NFATC2: variants seen among roughly 807,000 people sequenced by gnomAD.
NFATC2 encodes nuclear factor of activated T cells 2, also known as nuclear factor of activated T-cells, cytoplasmic 2.
In NFATC2, 22 loss-of-function variants were observed where a neutral mutation model predicts 87.3. That is an observed-to-expected ratio of 0.25 (90% confidence interval 0.18 to 0.36). The LOEUF is 0.36. Among genes scored for constraint, NFATC2 ranks in the 10% least tolerant of loss-of-function variants. The probability of loss-of-function intolerance (pLI) is 1.00; values close to 1 mark genes in which losing one functional copy is unlikely to be tolerated. For missense variants in NFATC2, 1,149 were observed against 1,259.1 expected (o/e 0.91, Z 1.32); for synonymous variants, 565 against 542.2 (o/e 1.04, Z -0.58).
chr20:51,498,623 C>A (rs2076029024), intron 3 of NFATC2, among the ~76,000 whole-genome samples: 2 of 151,956 alleles, frequency 1.3e-5, no homozygotes, highest in African/African-American at 2.4e-5. Flanking sequence ...CCCATCCTTA[C>A]TAAAAATACA....
In NFATC2 at chr20:51,562,549, G is replaced by A; in HGVS notation, c.70+11C>T. On this transcript the variant is annotated intron_variant, in intron 1 of 10. Coordinates refer to the NFATC2 transcript ENST00000414705. The surrounding 1 kb of genome is among the most constrained non-coding windows in gnomAD (Gnocchi z 5.8). ...AGCGGAAAAGGCTGGAAGGGATCGA[G>A]AGTCAGTTACCTTGGTCCACAGACC... 1.3e-6 allele frequency: 2 copies of A among 1,549,450 alleles called. No homozygotes were observed. Among genetic ancestry groups the A allele is most frequent in the Non-Finnish European group, 1.7e-6 (2 of 1,145,202 alleles).
intron 3 of NFATC2, among the ~76,000 whole-genome samples, chr20:51,484,238 G>T (rs1248457339): frequency 6.6e-6 from 1 of 151,942 alleles, no homozygotes; most frequent in Non-Finnish European, 1.5e-5. Flanking sequence ...TCCATGACCT[G>T]CAGGGCTCAC....
At chr20:51,443,167 A>ACC (rs11481110) in intron 6 of NFATC2, among the ~76,000 whole-genome samples, 2,143 of 150,960 alleles carry the variant, frequency 0.014, 46 homozygotes, top group African/African-American at 0.048. Flanking sequence ...GCTCAGGGAG[A>ACC]CCCCCCCTTC....
intron 9 of NFATC2, among the ~76,000 whole-genome samples, chr20:51,402,398 T>C (rs2146244723): frequency 6.6e-6 from 1 of 152,070 alleles, no homozygotes; most frequent in South Asian, 2.1e-4. Context: ...TTCAGCCAGT[T>C]CATCACCACC....
At chr20:51,488,492 T>C (rs1431306920) in intron 3 of NFATC2, among the ~76,000 whole-genome samples, 2 of 151,952 alleles carry the variant, frequency 1.3e-5, no homozygotes, top group African/African-American at 4.9e-5. Context: ...TTTTCCCAAC[T>C]GTGATGCACA....
At chr20:51,395,747 T>TATATATAAAGAGGTGTTTC (rs1376572449) in intron 10 of NFATC2, among the ~76,000 whole-genome samples, 78 of 152,146 alleles carry the variant, frequency 5.1e-4, no homozygotes, top group African/African-American at 1.8e-3. Flanking sequence ...CAAAGTCATT[T>TATATATAAAGAGGTGTTTC]ATATATAAAG....
At chr20:51,468,838 A>G (rs554837975) in intron 5 of NFATC2, among the ~76,000 whole-genome samples, 1 of 152,296 alleles carries the variant, frequency 6.6e-6, no homozygotes, top group African/African-American at 2.4e-5. Flanking sequence ...GGAGCCATCT[A>G]AACAGGGGCC....
chr20:51,528,428 TAC>T (rs1262930495), intron 1 of NFATC2, among the ~76,000 whole-genome samples: 3 of 151,502 alleles, frequency 2.0e-5, no homozygotes, highest in Admixed American at 6.6e-5. Flanking sequence ...CAGACAGATG[TAC>T]ACACAGATGT....
chr20:51,462,600 T>C (rs1324468968), intron 5 of NFATC2, among the ~76,000 whole-genome samples: 1 of 152,200 alleles, frequency 6.6e-6, no homozygotes, highest in Non-Finnish European at 1.5e-5. Context: ...ATTTTGGGAC[T>C]TTGAGCAAGA....
At chr20:51,509,494 G>A (rs1225821565) in intron 3 of NFATC2, among the ~76,000 whole-genome samples, 1 of 151,864 alleles carries the variant, frequency 6.6e-6, no homozygotes, top group Non-Finnish European at 1.5e-5. Flanking sequence ...TGAGTGACCC[G>A]GCCACCACCT....
intron 9 of NFATC2, among the ~76,000 whole-genome samples, chr20:51,403,818 T>C (rs1376747333): frequency 6.6e-6 from 1 of 152,172 alleles, no homozygotes; most frequent in African/African-American, 2.4e-5. Flanking sequence ...GCCTCTAGAA[T>C]TGTGAGAAGA....
chr20:51,534,482 C>T (rs2076687147), intron 1 of NFATC2, among the ~76,000 whole-genome samples: 1 of 152,120 alleles, frequency 6.6e-6, no homozygotes, highest in African/African-American at 2.4e-5. Context: ...TTACAGGTGC[C>T]TGCCACCATG....
intron 6 of NFATC2, among the ~76,000 whole-genome samples, chr20:51,439,615 G>A (rs1346197379): frequency 6.6e-6 from 1 of 152,154 alleles, no homozygotes; most frequent in Non-Finnish European, 1.5e-5. Flanking sequence ...TGGGGGGCAG[G>A]GGGAAAGTCC....
intron 3 of NFATC2, among the ~76,000 whole-genome samples, chr20:51,497,512 C>T (rs1380182360): frequency 6.6e-6 from 1 of 152,162 alleles, no homozygotes. Flanking sequence ...ACCCCCGGTC[C>T]AGCCCCAGAC....
At chr20:51,454,416 C>G in intron 6 of NFATC2, 132 bp downstream of exon 6, 2 of 865,028 alleles carry the variant, frequency 2.3e-6, no homozygotes, top group South Asian at 3.6e-5. Context: ...TGAAGACACG[C>G]TGAGTAAAAA....
At chr20:51,444,872 C>A (rs759256082) in intron 6 of NFATC2, among the ~76,000 whole-genome samples, 2 of 152,068 alleles carry the variant, frequency 1.3e-5, no homozygotes, top group Non-Finnish European at 2.9e-5. Flanking sequence ...GGATTTCAGC[C>A]GCCCGACAGG....
Position 51,524,620 on chromosome 20 carries a change from T to C in NFATC2, c.131-510A>G, listed in dbSNP as rs912013589. On this transcript the variant is annotated intron_variant, in intron 1 of 10. Transcript: ENST00000371564. The surrounding 1 kb of genome is among the most constrained non-coding windows in gnomAD (Gnocchi z 4.0). ...ACCTATCTAGGGCCTATGGCAGCAC[T>C]CTACACACATGACGTGGACGCAGGA... 6.6e-6 allele frequency among the ~76,000 whole-genome samples: 1 copy of C among 152,044 alleles called. No individual in the cohort carries two copies. The highest frequency in any genetic ancestry group is 6.6e-5 in the Admixed American group (1 of 15,262).
At position 51,540,647 on chromosome 20, in the gene NFATC2, G is replaced by GTTTTTTTTTTTT. The variant is rs375172598; in HGVS notation, c.130+1722_130+1723insAAAAAAAAAAAA. ...ATCTGAAACTGTTCCAAAAACTGAA[G>GTTTTTTTTTTTT]TTTTTTTTTTGTTTTTTTTTTTTTG... On this transcript the variant is annotated intron_variant, in intron 1 of 10. Coordinates refer to ENST00000371564, the MANE Select transcript of NFATC2 (RefSeq NM_012340.5). 1.5e-3 allele frequency among the ~76,000 whole-genome samples: 174 copies of GTTTTTTTTTTTT among 112,912 alleles called. 28 individuals are homozygous for GTTTTTTTTTTTT. The highest frequency in any genetic ancestry group is 5.9e-3 in the African/African-American group (134 of 22,854). 74.1% of individuals were successfully genotyped at this position (112,912 alleles called of 152,430 possible).
chr20:51,521,170 C>T lies in NFATC2; in HGVS notation c.1160+1911G>A, dbSNP rs139096811. ...GTAGCCCTGGTGTTCTCAGAACCTG[C>T]TGTGGAGGAAATGCCAGGCTGGATG... On this transcript the variant is annotated intron_variant, in intron 2 of 10. Transcript: ENST00000371564. Among the ~76,000 whole-genome samples, 236 of 152,346 alleles carry T rather than the reference C, an allele frequency of 1.5e-3. 1 individual carries two copies. The highest frequency in any genetic ancestry group is 5.5e-3 in the African/African-American group (229 of 41,568).
Sources: allele counts gnomAD v4.1 joint callset (sites outside exome capture counted in the v4.1 genomes callset), GRCh38; gene constraint gnomAD v4.1.1; non-coding constraint Gnocchi (gnomAD v3.1); transcripts MANE v1.5; gene names NCBI Gene and HGNC (gene_info 2026-07-23, HGNC 2026-07-21).